Variants in C8orf34 observed in about 807,000 individuals in gnomAD.
C8orf34 encodes chromosome 8 open reading frame 34, also known as uncharacterized protein C8orf34.
C8orf34 carries 65 observed loss-of-function variants against 68.3 expected under a neutral mutation model. The ratio of observed to expected loss-of-function variants is 0.95; its 90% CI spans 0.78 to 1.17. The LOEUF is 1.17. C8orf34 is among the 50% of genes most tolerant of loss of function. The probability of loss-of-function intolerance (pLI) is 0.00; values close to 1 mark genes in which losing one functional copy is unlikely to be tolerated. For missense variants in C8orf34, 664 were observed against 655.4 expected, an observed-to-expected ratio of 1.01 and a Z score of -0.14; for synonymous variants, 244 against 241.2, an observed-to-expected ratio of 1.01 and a Z score of -0.11.
At chr8:68,711,851 T>A (rs532360154) in intron 9 of C8orf34, among the ~76,000 whole-genome samples, 1 of 152,198 alleles carries the variant, frequency 6.6e-6, no homozygotes, top group East Asian at 1.9e-4. Context: ...GGGAAATTTA[T>A]TGCAAAAAGA....
intron 9 of C8orf34, among the ~76,000 whole-genome samples, chr8:68,709,561 T>C (rs868260331): frequency 6.6e-6 from 1 of 152,148 alleles, no homozygotes; most frequent in Non-Finnish European, 1.5e-5. Context: ...CTGTATTAAA[T>C]TGGTCTCCAA....
At chr8:68,472,377 T>G (rs1225631849) in intron 4 of C8orf34, among the ~76,000 whole-genome samples, 1 of 152,148 alleles carries the variant, frequency 6.6e-6, no homozygotes, top group African/African-American at 2.4e-5. Flanking sequence ...GGAGTAGCTG[T>G]CTGATTCTTT....
At chr8:68,447,204 G>A (rs1179043281) in intron 3 of C8orf34, 1 of 152,314 alleles carries the variant, frequency 6.6e-6, no homozygotes, top group Non-Finnish European at 1.5e-5. Context: ...GTCAGATCTT[G>A]TAAGAACCAA....
chr8:68,440,157 C>T (rs1468360798), intron 2 of C8orf34, among the ~76,000 whole-genome samples: 1 of 152,140 alleles, frequency 6.6e-6, no homozygotes, highest in Non-Finnish European at 1.5e-5. Flanking sequence ...AGCCTCCTCT[C>T]CCCAGTAAAC....
chr8:68,488,105 C>G, intron 5 of C8orf34, 54 bp downstream of exon 5: 2 of 1,241,278 alleles, frequency 1.6e-6, no homozygotes, highest in Non-Finnish European at 2.3e-6. Context: ...ACCTTTTATT[C>G]CACTGTCTCA....
intron 7 of C8orf34, among the ~76,000 whole-genome samples, chr8:68,634,211 A>G (rs978044026): frequency 1.3e-5 from 2 of 152,194 alleles, no homozygotes; most frequent in African/African-American, 4.8e-5. Context: ...TTCTTGTGGC[A>G]TAAGTGGGCA....
At chr8:68,630,720 T>G (rs1338986894) in intron 7 of C8orf34, among the ~76,000 whole-genome samples, 1 of 152,094 alleles carries the variant, frequency 6.6e-6, no homozygotes, top group East Asian at 1.9e-4. Flanking sequence ...CAATTAATGT[T>G]TATAAATTTA....
intron 4 of C8orf34, among the ~76,000 whole-genome samples, chr8:68,480,701 C>T (rs1000061406): frequency 6.6e-6 from 1 of 152,130 alleles, no homozygotes; most frequent in South Asian, 2.1e-4. Flanking sequence ...TATATTTTAG[C>T]AAAGAGACTG....
Position 68,386,627 on chromosome 8 carries a change from C to G in C8orf34, c.328-52872C>G, listed in dbSNP as rs186578384. Among the ~76,000 whole-genome samples, 387 of 152,270 alleles carry G rather than the reference C, an allele frequency of 2.5e-3. 1 individual carries two copies. The highest frequency in any genetic ancestry group is 6.8e-3 in the Middle Eastern group (2 of 294). The stretch of plus-strand genomic sequence containing the variant: ...AGCTGTCCTTGGGTAACTGCTAGTT[C>G]TGCTTAGATCTGTGTTATGATTTGA... On this transcript the variant is annotated intron_variant, in intron 1 of 13. Transcript: ENST00000518698.
chr8:68,767,641 G>A (rs974189695), intron 10 of C8orf34, among the ~76,000 whole-genome samples: 3 of 152,154 alleles, frequency 2.0e-5, no homozygotes, highest in Non-Finnish European at 2.9e-5. Flanking sequence ...ATTCATGCAT[G>A]CATTCATTCA....
chr8:68,568,933 A>G (rs1441282766), intron 7 of C8orf34, among the ~76,000 whole-genome samples: 1 of 152,216 alleles, frequency 6.6e-6, no homozygotes, highest in Non-Finnish European at 1.5e-5. Context: ...GTCACAGATA[A>G]TAAGGAAACA....
At chr8:68,737,698 A>C (rs926711280) in intron 10 of C8orf34, among the ~76,000 whole-genome samples, 1 of 152,108 alleles carries the variant, frequency 6.6e-6, no homozygotes, top group Admixed American at 6.6e-5. Flanking sequence ...ATAATGGTAA[A>C]GAGTTCAATT....
chr8:68,732,066 A>G (rs769317368), intron 10 of C8orf34, among the ~76,000 whole-genome samples: 46 of 152,218 alleles, frequency 3.0e-4, no homozygotes, highest in Non-Finnish European at 4.7e-4. Flanking sequence ...ACTGGTTAAG[A>G]TTGCGTCTGA....
intron 8 of C8orf34, among the ~76,000 whole-genome samples, chr8:68,659,674 A>G (rs1819614898): frequency 6.6e-6 from 1 of 152,090 alleles, no homozygotes; most frequent in African/African-American, 2.4e-5. Flanking sequence ...CAGAACAAGG[A>G]TCAGCAACAT....
intron 11 of C8orf34, among the ~76,000 whole-genome samples, chr8:68,786,241 G>A (rs373264429): frequency 5.1e-4 from 77 of 152,160 alleles, no homozygotes; most frequent in African/African-American, 1.7e-3. Context: ...ATTTAAAGTC[G>A]TTATTTTGTT....
At chr8:68,651,183 A>G (rs942952044) in intron 8 of C8orf34, among the ~76,000 whole-genome samples, 4 of 152,172 alleles carry the variant, frequency 2.6e-5, no homozygotes, top group African/African-American at 9.7e-5. Context: ...CTATTCATCC[A>G]TCCATCTATT....
rs1242119684 is a variant in C8orf34 at position 68,394,029 on chromosome 8, G to A, written c.328-45470G>A. ...AATCAAATACCTTTGGGGGCTTCGAGTGGAGGAGAATTCAAGAATAATGCC... is the reference window on the plus strand; with the variant it reads ...AATCAAATACCTTTGGGGGCTTCGAATGGAGGAGAATTCAAGAATAATGCC... On this transcript the variant is annotated intron_variant, in intron 1 of 13. Transcript: ENST00000518698. Among the ~76,000 whole-genome samples the A allele has an allele frequency of 2.0e-5, 3 of 152,224 alleles. No individual in the cohort carries two copies. In the East Asian group the frequency reaches 5.8e-4, roughly 29 times the overall value.
At chr8:68,695,149 T>C (rs1820790188) in intron 8 of C8orf34, among the ~76,000 whole-genome samples, 1 of 119,730 alleles carries the variant, frequency 8.4e-6, no homozygotes, top group Admixed American at 8.1e-5. Flanking sequence ...TGTTTATTCC[T>C]TTTTTTTTTT....
intron 1 of C8orf34, among the ~76,000 whole-genome samples, chr8:68,358,670 A>T (rs1219845121): frequency 2.0e-5 from 3 of 149,078 alleles, no homozygotes; most frequent in African/African-American, 7.4e-5. Context: ...TTTTTTTTGG[A>T]GGGGGGGTGT....
Sources: gnomAD v4.1 joint callset for allele counts (sites outside exome capture counted in the v4.1 genomes callset) on GRCh38, gnomAD v4.1.1 for gene constraint, MANE v1.5 for transcripts, NCBI Gene and HGNC (gene_info 2026-07-23, HGNC 2026-07-21) for gene names.